The following HS3ST5 variants were observed in gnomAD, a reference collection of about 807,000 sequenced individuals.
HS3ST5 encodes heparan sulfate-glucosamine 3-sulfotransferase 5, also known as heparan sulfate glucosamine 3-O-sulfotransferase 5.
A neutral mutation model predicts 25.4 loss-of-function variants in HS3ST5; 10 were observed. The ratio of observed to expected loss-of-function variants is 0.39; its 90% CI spans 0.24 to 0.67. The LOEUF is 0.67. HS3ST5 is among the 30% of genes least tolerant of loss of function. The probability of loss-of-function intolerance (pLI) is 0.44; values close to 1 mark genes in which losing one functional copy is unlikely to be tolerated. For synonymous variants in HS3ST5, 170 were observed against 162.4 expected (o/e 1.05, Z -0.36); for missense variants, 324 against 420.7 (o/e 0.77, Z 2.01).
chr6:114,281,415 G>A (rs531538983), intron 1 of HS3ST5, among the ~76,000 whole-genome samples: 2 of 152,060 alleles, frequency 1.3e-5, no homozygotes, highest in Admixed American at 6.6e-5. Context: ...TCTTTAAAAG[G>A]TTACAAATGC....
At chr6:114,193,132 T>C (rs190105319) in intron 2 of HS3ST5, among the ~76,000 whole-genome samples, 4 of 152,322 alleles carry the variant, frequency 2.6e-5, no homozygotes, top group African/African-American at 9.6e-5. Context: ...CATGGAGCAC[T>C]TTCAATTAGC....
intron 1 of HS3ST5, among the ~76,000 whole-genome samples, chr6:114,245,907 T>C (rs1043715163): frequency 6.6e-6 from 1 of 152,182 alleles, no homozygotes; most frequent in Non-Finnish European, 1.5e-5. Context: ...AAAAACACTA[T>C]GCTTTATACT....
intron 3 of HS3ST5, among the ~76,000 whole-genome samples, chr6:114,153,272 A>G (rs1332674293): frequency 6.6e-6 from 1 of 152,148 alleles, no homozygotes; most frequent in Non-Finnish European, 1.5e-5. Context: ...GCCAGGTCCT[A>G]AACCCAGGTC....
At chr6:114,142,195 A>C (rs1408794262) in intron 3 of HS3ST5, among the ~76,000 whole-genome samples, 1 of 152,122 alleles carries the variant, frequency 6.6e-6, no homozygotes, top group Admixed American at 6.5e-5. Flanking sequence ...CAAGGATAAC[A>C]ACTTCCCATC....
intron 3 of HS3ST5, among the ~76,000 whole-genome samples, chr6:114,113,166 C>T (rs1582614823): frequency 6.6e-6 from 1 of 152,296 alleles, no homozygotes; most frequent in Admixed American, 6.5e-5. Context: ...ACTGCTACAG[C>T]TTGGTCCAGT....
At chr6:114,234,146 G>C (rs758559046) in intron 1 of HS3ST5, among the ~76,000 whole-genome samples, 1 of 152,094 alleles carries the variant, frequency 6.6e-6, no homozygotes. Flanking sequence ...TAAAATTCCT[G>C]AGTAGGCTTA....
chr6:114,303,001 T>G (rs1775142735), intron 1 of HS3ST5, among the ~76,000 whole-genome samples: 1 of 152,174 alleles, frequency 6.6e-6, no homozygotes, highest in Admixed American at 6.5e-5. Flanking sequence ...CAAAAAAGTT[T>G]AATTTGTTTA....
chr6:114,083,519 C>G (rs554868961), intron 3 of HS3ST5, among the ~76,000 whole-genome samples: 1 of 151,334 alleles, frequency 6.6e-6, no homozygotes, highest in Non-Finnish European at 1.5e-5. Flanking sequence ...GGAGACAGTT[C>G]TGGGTGGTAG....
intron 3 of HS3ST5, among the ~76,000 whole-genome samples, chr6:114,106,043 A>G (rs1477664905): frequency 6.6e-6 from 1 of 152,138 alleles, no homozygotes; most frequent in Non-Finnish European, 1.5e-5. Flanking sequence ...TAATGCTCCA[A>G]GTGTTCTTTA....
chr6:114,285,494 T>TA (rs1371460841), intron 1 of HS3ST5, among the ~76,000 whole-genome samples: 2 of 152,052 alleles, frequency 1.3e-5, no homozygotes, highest in African/African-American at 4.8e-5. Context: ...TATGCAGCCT[T>TA]AAAAATGAAG....
intron 1 of HS3ST5, among the ~76,000 whole-genome samples, chr6:114,316,670 A>C (rs562649058): frequency 6.6e-5 from 10 of 152,346 alleles, no homozygotes; most frequent in African/African-American, 2.4e-4. Flanking sequence ...TTGGGCTAAC[A>C]AAAAAGCATT....
intron 2 of HS3ST5, among the ~76,000 whole-genome samples, chr6:114,217,202 C>T (rs1781812298): frequency 6.6e-6 from 1 of 152,186 alleles, no homozygotes; most frequent in Non-Finnish European, 1.5e-5. Context: ...AATTTCAACT[C>T]AAAGGTCTTG....
rs192345609 is a variant in HS3ST5 at position 114,290,026 on chromosome 6, A to G, written c.-339+52169T>C. On this transcript the variant is annotated intron_variant, in intron 1 of 4. Transcript: ENST00000312719. The stretch of plus-strand genomic sequence containing the variant: ...AGCCACAACAACTTATTATATAAGA[A>G]TTCTTTGTCCTCAGTAGTCACTGAA... Among the ~76,000 whole-genome samples the G allele has an allele frequency of 2.6e-5, 4 of 152,284 alleles. No homozygotes were observed. The East Asian group carries it at 7.7e-4, about 29-fold the overall frequency.
chr6:114,294,630 A>AGAGACGGGGT (rs1302606040), intron 1 of HS3ST5, among the ~76,000 whole-genome samples: 1 of 152,032 alleles, frequency 6.6e-6, no homozygotes, highest in East Asian at 1.9e-4. Flanking sequence ...TATTTTTAGT[A>AGAGACGGGGT]GAGACGGGGT....
intron 3 of HS3ST5, among the ~76,000 whole-genome samples, chr6:114,079,072 G>A (rs1774308069): frequency 6.6e-6 from 1 of 152,226 alleles, no homozygotes; most frequent in African/African-American, 2.4e-5. Context: ...CCTTCGGTGA[G>A]TTGTAATCTT....
At chr6:114,294,484 C>T (rs1400751088) in intron 1 of HS3ST5, among the ~76,000 whole-genome samples, 2 of 130,852 alleles carry the variant, frequency 1.5e-5, no homozygotes, top group Non-Finnish European at 3.1e-5. Context: ...CTCACTCTGT[C>T]GCCCAGGCTG....
At chr6:114,199,733 T>C (rs748499969) in intron 2 of HS3ST5, among the ~76,000 whole-genome samples, 1 of 152,216 alleles carries the variant, frequency 6.6e-6, no homozygotes, top group Non-Finnish European at 1.5e-5. Flanking sequence ...TATAAACCTT[T>C]TGAGAGCTAG....
intron 3 of HS3ST5, among the ~76,000 whole-genome samples, chr6:114,155,312 A>G (rs1174007270): frequency 2.6e-5 from 4 of 152,256 alleles, no homozygotes; most frequent in African/African-American, 9.6e-5. Context: ...ACGAATAAAT[A>G]TAAAGAAGAA....
chr6:114,084,486 G>C (rs1023624910), intron 3 of HS3ST5: 2 of 758,070 alleles, frequency 2.6e-6, no homozygotes, highest in African/African-American at 3.4e-5. Context: ...GGTATTCACG[G>C]GAAATGGTGC....
Sources: gnomAD v4.1 joint callset for allele counts (sites outside exome capture counted in the v4.1 genomes callset) on GRCh38, gnomAD v4.1.1 for gene constraint, MANE v1.5 for transcripts, NCBI Gene and HGNC (gene_info 2026-07-23, HGNC 2026-07-21) for gene names.